Variants in PTPRT observed in about 807,000 individuals in gnomAD.
PTPRT encodes the protein protein tyrosine phosphatase receptor type T.
A neutral mutation model predicts 176.8 loss-of-function variants in PTPRT; 56 were observed. That is an observed-to-expected ratio of 0.32 (90% confidence interval 0.26 to 0.40). PTPRT has a LOEUF of 0.40. Among genes scored for constraint, PTPRT ranks in the 10% least tolerant of loss-of-function variants. The probability of loss-of-function intolerance (pLI) is 1.00; values close to 1 mark genes in which losing one functional copy is unlikely to be tolerated. For synonymous variants in PTPRT, 783 were observed against 739.0 expected, an observed-to-expected ratio of 1.06 and a Z score of -0.96; for missense variants, 1,540 against 1,908.2, an observed-to-expected ratio of 0.81 and a Z score of 3.60.
intron 20 of PTPRT, among the ~76,000 whole-genome samples, chr20:42,119,397 G>A (rs1568948572): frequency 6.6e-6 from 1 of 152,138 alleles, no homozygotes; most frequent in Non-Finnish European, 1.5e-5. Flanking sequence ...ATAACACCGT[G>A]AATAATGTTC....
intron 2 of PTPRT, among the ~76,000 whole-genome samples, chr20:42,872,858 G>A (rs2078868702): frequency 6.6e-6 from 1 of 152,166 alleles, no homozygotes; most frequent in Non-Finnish European, 1.5e-5. Flanking sequence ...GCAGCTCAAA[G>A]TCTGAGGTTA....
intron 6 of PTPRT, among the ~76,000 whole-genome samples, chr20:42,740,587 A>T (rs1412234552): frequency 6.6e-5 from 10 of 152,328 alleles, no homozygotes; most frequent in Non-Finnish European, 1.0e-4. Context: ...GGCAAAATCC[A>T]TCCTGGCAGT....
intron 7 of PTPRT, among the ~76,000 whole-genome samples, chr20:42,571,454 G>A (rs2073151720): frequency 6.6e-6 from 1 of 152,122 alleles, no homozygotes; most frequent in African/African-American, 2.4e-5. Context: ...ATCAATTTTA[G>A]CCCAGTAGGA....
Position 42,074,977 on chromosome 20 carries a change from G to C in PTPRT, c.*5902C>G. The C allele has an allele frequency of 2.5e-6, 1 of 395,860 alleles. No individual in the cohort carries two copies. The highest frequency in any genetic ancestry group is 4.4e-6 in the Non-Finnish European group (1 of 224,782). 24.5% of individuals were successfully genotyped at this position (395,860 alleles called of 1,614,324 possible). A position where few individuals can be genotyped will look rare whatever the true frequency, so the allele number is the denominator to read the frequency against. ...CATGATCCTGAAAAATGTGTCAGAA[G>C]AAACTGGAGCTAGAACAGCTCCCCC... On this transcript the variant is annotated 3_prime_UTR_variant, in exon 31 of 31. Coordinates refer to ENST00000373187, the MANE Select transcript of PTPRT (RefSeq NM_007050.6).
chr20:42,177,076 T>C (rs1568644979), intron 16 of PTPRT, among the ~76,000 whole-genome samples: 1 of 152,260 alleles, frequency 6.6e-6, no homozygotes, highest in Non-Finnish European at 1.5e-5. Context: ...TTCACCTTTG[T>C]GGACCTTAAT....
At chr20:42,605,296 A>C (rs924372725) in intron 7 of PTPRT, among the ~76,000 whole-genome samples, 7 of 151,720 alleles carry the variant, frequency 4.6e-5, no homozygotes, top group African/African-American at 1.7e-4. Context: ...AGGGGAGCTC[A>C]CTGCCCTTGC....
intron 7 of PTPRT, among the ~76,000 whole-genome samples, chr20:42,481,817 T>A (rs1288984393): frequency 6.6e-6 from 1 of 151,834 alleles, no homozygotes; most frequent in African/African-American, 2.4e-5. Context: ...CGCGCATGTA[T>A]ATATATGGTT....
At chr20:42,686,484 T>TTTTTTTTTTTTTTC (rs2075695760) in intron 6 of PTPRT, among the ~76,000 whole-genome samples, 1 of 52,690 alleles carries the variant, frequency 1.9e-5, no homozygotes, top group Non-Finnish European at 3.6e-5. Context: ...TTTTTTTTTT[T>TTTTTTTTTTTTTTC]TTTTTTTTTT....
At chr20:42,182,909 T>G (rs902081865) in intron 16 of PTPRT, among the ~76,000 whole-genome samples, 3 of 75,056 alleles carry the variant, frequency 4.0e-5, no homozygotes, top group South Asian at 6.1e-4. Context: ...CAAGCAGGGG[T>G]GTGTGTGTGT....
intron 1 of PTPRT, among the ~76,000 whole-genome samples, chr20:43,117,495 T>C (rs1454797732): frequency 1.3e-5 from 2 of 152,080 alleles, no homozygotes; most frequent in East Asian, 1.9e-4. Flanking sequence ...CAAAAGACTT[T>C]TGAGTAGGAG....
At chr20:42,038,514 T>TCCCTAGTCCCA in the PTPRT span, among the ~76,000 whole-genome samples, 1 of 152,164 alleles carries the variant, frequency 6.6e-6, no homozygotes, top group African/African-American at 2.4e-5. Context: ...AGGAAGGGCA[T>TCCCTAGTCCCA]CTGTGTGGGG....
At chr20:42,830,056 CA>C (rs2078058995) in intron 2 of PTPRT, among the ~76,000 whole-genome samples, 3 of 152,050 alleles carry the variant, frequency 2.0e-5, no homozygotes, top group South Asian at 2.1e-4. Flanking sequence ...GAAACTATTC[CA>C]AAAAATTGAG....
At chr20:42,353,608 T>G (rs564409767) in intron 9 of PTPRT, among the ~76,000 whole-genome samples, 8 of 152,212 alleles carry the variant, frequency 5.3e-5, no homozygotes, top group South Asian at 4.1e-4. Context: ...TCTCAACTTC[T>G]GCACTTGCCC....
chr20:42,798,487 CA>C (rs1269794406), intron 2 of PTPRT, among the ~76,000 whole-genome samples: 1 of 152,048 alleles, frequency 6.6e-6, no homozygotes, highest in African/African-American at 2.4e-5. Context: ...ATAGCCATAC[CA>C]ATAAACATAT....
At chr20:42,287,317 G>A (rs1214943854) in intron 12 of PTPRT, among the ~76,000 whole-genome samples, 1 of 151,904 alleles carries the variant, frequency 6.6e-6, no homozygotes, top group Non-Finnish European at 1.5e-5. Context: ...CAATAGCCAT[G>A]ACAGGCAATC....
intron 7 of PTPRT, among the ~76,000 whole-genome samples, chr20:42,589,842 C>T (rs1233140267): frequency 6.6e-6 from 1 of 152,108 alleles, no homozygotes; most frequent in Non-Finnish European, 1.5e-5. Flanking sequence ...AAATATCTGG[C>T]AAATACATAT....
chr20:43,170,988 T>C (rs531308347), intron 1 of PTPRT, among the ~76,000 whole-genome samples: 1 of 152,180 alleles, frequency 6.6e-6, no homozygotes, highest in Non-Finnish European at 1.5e-5. Flanking sequence ...GTTTGTCCAG[T>C]TAACAGCTGC....
intron 15 of PTPRT, among the ~76,000 whole-genome samples, chr20:42,206,092 T>C (rs2055452724): frequency 6.6e-6 from 1 of 152,326 alleles, no homozygotes; most frequent in Admixed American, 6.5e-5. Flanking sequence ...CATTCCTCCA[T>C]GCTTCTTCTA....
chr20:42,341,958 A>G (rs756442823), intron 11 of PTPRT, among the ~76,000 whole-genome samples: 1 of 152,188 alleles, frequency 6.6e-6, no homozygotes, highest in Non-Finnish European at 1.5e-5. Context: ...ACCAGAGCCA[A>G]TTCTTGGTAA....
Sources: gnomAD v4.1 joint callset for allele counts (sites outside exome capture counted in the v4.1 genomes callset) on GRCh38, gnomAD v4.1.1 for gene constraint, MANE v1.5 for transcripts, NCBI Gene and HGNC (gene_info 2026-07-23, HGNC 2026-07-21) for gene names.